NCOA2: variants seen among roughly 807,000 people sequenced by gnomAD.
The protein encoded by NCOA2 is class E basic helix-loop-helix protein 75.
In NCOA2, 21 loss-of-function variants were observed where a neutral mutation model predicts 145.1. The observed-to-expected ratio is 0.14, with a 90% CI of 0.10 to 0.21. NCOA2 has a LOEUF of 0.21. NCOA2 is among the 10% of genes least tolerant of loss of function. The probability of loss-of-function intolerance (pLI) is 1.00; values close to 1 mark genes in which losing one functional copy is unlikely to be tolerated. For synonymous variants in NCOA2, 619 were observed against 637.5 expected, an observed-to-expected ratio of 0.97 and a Z score of 0.44; for missense variants, 1,472 against 1,837.6, an observed-to-expected ratio of 0.80 and a Z score of 3.64.
intron 1 of NCOA2, among the ~76,000 whole-genome samples, chr8:70,366,986 G>C (rs566126074): frequency 2.0e-5 from 3 of 152,112 alleles, no homozygotes; most frequent in Admixed American, 6.5e-5. Context: ...GGCCAATGAG[G>C]ATACTCTCAT....
the NCOA2 span, among the ~76,000 whole-genome samples, chr8:70,450,570 A>ATTTTTTTTTTTTTT: frequency 3.3e-5 from 2 of 61,128 alleles, no homozygotes; most frequent in East Asian, 8.7e-4. Context: ...ACTTCTTTTT[A>ATTTTTTTTTTTTTT]TTCTTTTTTT....
intron 2 of NCOA2, among the ~76,000 whole-genome samples, chr8:70,293,208 T>C (rs578258933): frequency 6.6e-6 from 1 of 152,308 alleles, no homozygotes; most frequent in Admixed American, 6.5e-5. Context: ...TGATTTTCAG[T>C]AGATAGTGCC....
rs1245229393 is a variant in NCOA2, at chr8:70,116,789, T to A, written c.4384-3146A>T. ...GCCTTAACAATCAGCATGAAGAAAG[T>A]GCAGGTGGATGAGGCAGATTCAAGA... On this transcript the variant is annotated intron_variant, in intron 22 of 22. Transcript: ENST00000452400. Among the ~76,000 whole-genome samples the A allele has an allele frequency of 2.6e-5, 4 of 152,188 alleles. No individual in the cohort carries two copies. The East Asian group carries it at 7.7e-4, about 29-fold the overall frequency.
the NCOA2 span, chr8:70,424,687 T>C: frequency 3.7e-6 from 1 of 272,330 alleles, no homozygotes; most frequent in South Asian, 3.5e-5. Context: ...ATCCCCGTCC[T>C]AACTACTCAA....
At chr8:70,189,780 C>T (rs1005728581) in intron 4 of NCOA2, among the ~76,000 whole-genome samples, 4 of 152,046 alleles carry the variant, frequency 2.6e-5, no homozygotes, top group African/African-American at 9.7e-5. Flanking sequence ...AGTGGATTAT[C>T]GTGATTAAAG....
Position 70,381,460 on chromosome 8 carries a change from G to T in NCOA2, c.-77+22240C>A, listed in dbSNP as rs115506749. On this transcript the variant is annotated intron_variant, in intron 1 of 22. Transcript: ENST00000452400. ...GTGCTAATCTCTCTCAATGAAAAAT[G>T]TATTAGGACTCTGTGATAAAAGTTA... Among the ~76,000 whole-genome samples the T allele has an allele frequency of 9.3e-3, 1,415 of 152,244 alleles. 22 individuals are homozygous for T. Among genetic ancestry groups the T allele is most frequent in the African/African-American group, 0.032 (1,318 of 41,544 alleles).
At chr8:70,361,165 T>A (rs114036699) in intron 1 of NCOA2, among the ~76,000 whole-genome samples, 1,700 of 152,252 alleles carry the variant, frequency 0.011, 29 homozygotes, top group African/African-American at 0.037. Flanking sequence ...ACTAGCTTCT[T>A]CAAAACAAAA....
rs569386963 is a variant in NCOA2 at position 70,165,173 on chromosome 8, T to C, written c.730+1393A>G. ...GATAAATTAGCAGCACTTACTCCGC[T>C]GCATAAAACAAAATAAAATCATTTG... On this transcript the variant is annotated intron_variant, in intron 7 of 22. Coordinates refer to ENST00000452400, the MANE Select transcript of NCOA2 (RefSeq NM_006540.4). Among the ~76,000 whole-genome samples, 4 of 152,348 alleles carry C rather than the reference T, an allele frequency of 2.6e-5. No individual in the cohort carries two copies. The East Asian group carries it at 7.7e-4, about 29-fold the overall frequency.
At chr8:70,362,888 G>T (rs1050337198) in intron 1 of NCOA2, among the ~76,000 whole-genome samples, 2 of 151,132 alleles carry the variant, frequency 1.3e-5, no homozygotes, top group African/African-American at 4.9e-5. Flanking sequence ...GACCAGCCTG[G>T]GCAACATGGC....
chr8:70,433,799 G>A, the NCOA2 span, among the ~76,000 whole-genome samples: 1 of 152,126 alleles, frequency 6.6e-6, no homozygotes, highest in Non-Finnish European at 1.5e-5. Context: ...GTGATGAGAT[G>A]GATGAAGTTG....
intron 1 of NCOA2, among the ~76,000 whole-genome samples, chr8:70,301,422 A>G (rs115259021): frequency 0.012 from 1,812 of 152,016 alleles, 49 homozygotes; most frequent in African/African-American, 0.042. Flanking sequence ...GGGAGGCTTG[A>G]GCAGGCATAT....
At chr8:70,124,894 CAA>C (rs1808244699) in intron 19 of NCOA2, 29 bp from the exon 20 acceptor site, 2 of 1,548,394 alleles carry the variant, frequency 1.3e-6, no homozygotes, top group Middle Eastern at 1.7e-4. Context: ...AACAGAAATC[CAA>C]AAGAGACTGT....
chr8:70,341,697 C>G (rs1374047222), intron 1 of NCOA2, among the ~76,000 whole-genome samples: 1 of 152,132 alleles, frequency 6.6e-6, no homozygotes, highest in Non-Finnish European at 1.5e-5. Flanking sequence ...ATATTACTGT[C>G]TTGTTTATAC....
chr8:70,409,972 G>A, the NCOA2 span, among the ~76,000 whole-genome samples: 1 of 152,210 alleles, frequency 6.6e-6, no homozygotes, highest in East Asian at 1.9e-4. Context: ...CACTTTGGGA[G>A]ACCAAGACAG....
At chr8:70,380,830 T>C (rs1044621784) in intron 1 of NCOA2, among the ~76,000 whole-genome samples, 13 of 152,120 alleles carry the variant, frequency 8.5e-5, no homozygotes, top group Non-Finnish European at 1.8e-4. Flanking sequence ...ATCCCAGCAC[T>C]TTCGGAGGCC....
In NCOA2 at chr8:70,368,019, T is replaced by C. The variant is rs541833134; in HGVS notation, c.-77+35681A>G. ...CTCAGAAGTATAAGATGCAGGCCTC[T>C]GCTCTCAGTAAATTTCCAAATGAAG... On this transcript the variant is annotated intron_variant, in intron 1 of 22. Transcript: ENST00000452400. Among the ~76,000 whole-genome samples, 283 of 152,344 alleles carry C rather than the reference T, an allele frequency of 1.9e-3. 1 individual carries two copies. The highest frequency in any genetic ancestry group is 0.01 in the Middle Eastern group (3 of 294).
chr8:70,248,711 T>C (rs1305048027), intron 2 of NCOA2, among the ~76,000 whole-genome samples: 1 of 151,984 alleles, frequency 6.6e-6, no homozygotes, highest in South Asian at 2.1e-4. Flanking sequence ...GTAAGTGCTA[T>C]GCAAATAGTT....
At chr8:70,248,113 T>A (rs181033107) in intron 2 of NCOA2, among the ~76,000 whole-genome samples, 168 of 152,360 alleles carry the variant, frequency 1.1e-3, no homozygotes, top group African/African-American at 4.0e-3. Flanking sequence ...AGCTTTAACA[T>A]TTTATGATGG....
At chr8:70,220,758 T>C (rs745469377) in intron 2 of NCOA2, among the ~76,000 whole-genome samples, 1 of 152,250 alleles carries the variant, frequency 6.6e-6, no homozygotes, top group Non-Finnish European at 1.5e-5. Flanking sequence ...TTAAAGCTTG[T>C]TAATCATCCA....
Sources: allele counts gnomAD v4.1 joint callset (sites outside exome capture counted in the v4.1 genomes callset), GRCh38; gene constraint gnomAD v4.1.1; transcripts MANE v1.5; gene names NCBI Gene and HGNC (gene_info 2026-07-23, HGNC 2026-07-21).